The following HS6ST3 variants were observed in gnomAD, a reference collection of about 807,000 sequenced individuals.
The protein encoded by HS6ST3 is heparan-sulfate 6-O-sulfotransferase 3.
A neutral mutation model predicts 36.7 loss-of-function variants in HS6ST3; 12 were observed. The observed-to-expected ratio is 0.33, with a 90% CI of 0.21 to 0.53. HS6ST3 has a LOEUF of 0.53. Among genes scored for constraint, HS6ST3 ranks in the 20% least tolerant of loss-of-function variants. The probability of loss-of-function intolerance (pLI) is 0.95; values close to 1 mark genes in which losing one functional copy is unlikely to be tolerated. For missense variants in HS6ST3, 584 were observed against 640.9 expected (o/e 0.91, Z 0.96); for synonymous variants, 240 against 257.5 (o/e 0.93, Z 0.65).
At chr13:96,201,322 T>C (rs550196139) in intron 1 of HS6ST3, among the ~76,000 whole-genome samples, 15 of 152,088 alleles carry the variant, frequency 9.9e-5, no homozygotes, top group Admixed American at 7.2e-4. Flanking sequence ...CTAAATTCCT[T>C]GCGTGGAGGA....
chr13:96,656,574 G>A (rs2056625654), intron 1 of HS6ST3, among the ~76,000 whole-genome samples: 1 of 152,176 alleles, frequency 6.6e-6, no homozygotes, highest in Non-Finnish European at 1.5e-5. Flanking sequence ...ATATGTTGAT[G>A]TGGAAGAAAT....
intron 1 of HS6ST3, among the ~76,000 whole-genome samples, chr13:96,272,057 A>G (rs1385493403): frequency 6.6e-6 from 1 of 152,042 alleles, no homozygotes; most frequent in Non-Finnish European, 1.5e-5. Context: ...TATTTATTTA[A>G]AGTCTGTAAC....
chr13:96,544,403 G>A (rs539917545), intron 1 of HS6ST3, among the ~76,000 whole-genome samples: 2 of 152,308 alleles, frequency 1.3e-5, no homozygotes, highest in African/African-American at 2.4e-5. Context: ...TACATGGCTA[G>A]TGTGTGGAAG....
intron 1 of HS6ST3, among the ~76,000 whole-genome samples, chr13:96,789,576 T>C (rs7989463): frequency 0.11 from 16,828 of 151,926 alleles, 1,286 homozygotes; most frequent in African/African-American, 0.21. Context: ...TTTAAATAAC[T>C]TTTTTATTTT....
At chr13:96,209,932 T>A (rs1594717433) in intron 1 of HS6ST3, among the ~76,000 whole-genome samples, 1 of 152,146 alleles carries the variant, frequency 6.6e-6, no homozygotes, top group Admixed American at 6.6e-5. Flanking sequence ...TCTGAAAATA[T>A]CATTTTAGTT....
intron 1 of HS6ST3, among the ~76,000 whole-genome samples, chr13:96,813,274 C>G (rs1459306249): frequency 6.6e-6 from 1 of 152,140 alleles, no homozygotes; most frequent in Non-Finnish European, 1.5e-5. Context: ...ACTCTGTATT[C>G]AATTTTAGGA....
At chr13:96,458,083 G>C (rs1185874666) in intron 1 of HS6ST3, among the ~76,000 whole-genome samples, 1 of 152,058 alleles carries the variant, frequency 6.6e-6, no homozygotes, top group Non-Finnish European at 1.5e-5. Flanking sequence ...CTACTAACCT[G>C]TAGTATCTTT....
intron 1 of HS6ST3, among the ~76,000 whole-genome samples, chr13:96,320,888 ATGTCAGATCAGATTGGTG>A (rs2054999862): frequency 6.6e-6 from 1 of 152,204 alleles, no homozygotes; most frequent in Non-Finnish European, 1.5e-5. Flanking sequence ...ATGGCCCATG[ATGTCAGATCAGATTGGTG>A]TGGTTGCTGG....
intron 1 of HS6ST3, among the ~76,000 whole-genome samples, chr13:96,274,873 ACACAC>A (rs2054740409): frequency 6.6e-6 from 1 of 151,432 alleles, no homozygotes; most frequent in Non-Finnish European, 1.5e-5. Context: ...ACACACACAC[ACACAC>A]ACACACACAC....
intron 1 of HS6ST3, among the ~76,000 whole-genome samples, chr13:96,166,319 G>A (rs1270860265): frequency 6.6e-6 from 1 of 151,972 alleles, no homozygotes; most frequent in Non-Finnish European, 1.5e-5. Context: ...ATACTGCTCT[G>A]ACCCCTTGGT....
chr13:96,817,989 T>G (rs549930453), intron 1 of HS6ST3, among the ~76,000 whole-genome samples: 14 of 152,236 alleles, frequency 9.2e-5, no homozygotes, highest in Non-Finnish European at 2.1e-4. Context: ...AAAGATTATT[T>G]TATCAGATTT....
intron 1 of HS6ST3, among the ~76,000 whole-genome samples, chr13:96,395,496 A>G (rs550970817): frequency 2.0e-5 from 3 of 152,012 alleles, no homozygotes; most frequent in South Asian, 4.2e-4. Flanking sequence ...CATCCCATCC[A>G]TCCGTTTTTT....
At chr13:96,489,511 C>T (rs2138904522) in intron 1 of HS6ST3, among the ~76,000 whole-genome samples, 1 of 152,104 alleles carries the variant, frequency 6.6e-6, no homozygotes, top group South Asian at 2.1e-4. Flanking sequence ...ACTGTCTCAC[C>T]TTAGTTCCTA....
At chr13:96,223,662 G>A (rs1487751314) in intron 1 of HS6ST3, among the ~76,000 whole-genome samples, 2 of 151,840 alleles carry the variant, frequency 1.3e-5, no homozygotes, top group African/African-American at 4.8e-5. Context: ...ATGGGGGGGG[G>A]GAAGTTTTTG....
At chr13:96,782,601 C>A (rs1877552634) in intron 1 of HS6ST3, among the ~76,000 whole-genome samples, 1 of 152,058 alleles carries the variant, frequency 6.6e-6, no homozygotes, top group African/African-American at 2.4e-5. Flanking sequence ...TTAGTGCTGT[C>A]CCATTTATTT....
At chr13:96,144,165 G>T (rs1384690595) in intron 1 of HS6ST3, among the ~76,000 whole-genome samples, 1 of 152,108 alleles carries the variant, frequency 6.6e-6, no homozygotes, top group East Asian at 1.9e-4. Context: ...CTGTTTGGCA[G>T]AGTTATGAGA....
intron 1 of HS6ST3, among the ~76,000 whole-genome samples, chr13:96,642,989 A>AACC (rs1168516556): frequency 6.6e-6 from 1 of 151,896 alleles, no homozygotes; most frequent in East Asian, 1.9e-4. Flanking sequence ...TGGGGTTGAA[A>AACC]ACCACACATT....
At chr13:96,264,639 CG>C (rs1263290127) in intron 1 of HS6ST3, among the ~76,000 whole-genome samples, 1 of 152,178 alleles carries the variant, frequency 6.6e-6, no homozygotes, top group Non-Finnish European at 1.5e-5. Flanking sequence ...TGAGCATAAA[CG>C]TATGTAACTT....
intron 1 of HS6ST3, among the ~76,000 whole-genome samples, chr13:96,616,188 T>G (rs2056473680): frequency 6.6e-6 from 1 of 152,198 alleles, no homozygotes; most frequent in African/African-American, 2.4e-5. Context: ...TGTCATCTCT[T>G]ATATACAAAG....
Sources: gnomAD v4.1 joint callset for allele counts (sites outside exome capture counted in the v4.1 genomes callset) on GRCh38, gnomAD v4.1.1 for gene constraint, MANE v1.5 for transcripts, NCBI Gene and HGNC (gene_info 2026-07-23, HGNC 2026-07-21) for gene names.